ZFP64: variants seen among roughly 807,000 people sequenced by gnomAD.
ZFP64 encodes zinc finger protein 64.
In ZFP64, 14 loss-of-function variants were observed where a neutral mutation model predicts 51.6. The ratio of observed to expected loss-of-function variants is 0.27; its 90% confidence interval spans 0.18 to 0.42. ZFP64 has a LOEUF of 0.42. Among genes scored for constraint, ZFP64 ranks in the 10% least tolerant of loss-of-function variants. The pLI is 1.00. For missense variants in ZFP64, 754 were observed against 906.8 expected (o/e 0.83, Z 2.16); for synonymous variants, 375 against 361.4 (o/e 1.04, Z -0.43).
intron 1 of ZFP64, among the ~76,000 whole-genome samples, chr20:52,188,647 GAATT>G (rs774007315): frequency 2.8e-4 from 43 of 151,902 alleles, no homozygotes; most frequent in Non-Finnish European, 5.0e-4. Context: ...ATCATATCAA[GAATT>G]AATACTATAT....
intron 5 of ZFP64, among the ~76,000 whole-genome samples, chr20:52,142,384 A>ACACACACACGCGCGCG (rs770440510): frequency 1.9e-5 from 2 of 104,776 alleles, no homozygotes; most frequent in South Asian, 3.5e-4. Flanking sequence ...ACAGACACAC[A>ACACACACACGCGCGCG]CACACACACA....
chr20:52,096,905 CAAAA>C (rs2078994732), intron 7 of ZFP64: 1 of 360,852 alleles, frequency 2.8e-6, no homozygotes, highest in Admixed American at 3.7e-5. Context: ...AAAAACAAAA[CAAAA>C]AGATAGTATT....
At chr20:52,180,211 A>G (rs1983513661) in intron 2 of ZFP64, among the ~76,000 whole-genome samples, 1 of 152,204 alleles carries the variant, frequency 6.6e-6, no homozygotes, top group Admixed American at 6.5e-5. Context: ...GCTGGCTGTC[A>G]GGGGCTGCTT....
At chr20:52,113,257 C>T (rs1046308394) in intron 5 of ZFP64, among the ~76,000 whole-genome samples, 4 of 151,772 alleles carry the variant, frequency 2.6e-5, no homozygotes, top group Admixed American at 2.6e-4. Context: ...TGACGTGAAC[C>T]CGGGAGGCGG....
At chr20:52,136,920 A>G (rs2122897795) in intron 5 of ZFP64, among the ~76,000 whole-genome samples, 1 of 152,052 alleles carries the variant, frequency 6.6e-6, no homozygotes, top group African/African-American at 2.4e-5. Flanking sequence ...ATCCACCACC[A>G]CACCCAGCTA....
chr20:52,188,559 C>T (rs925321733), intron 1 of ZFP64, among the ~76,000 whole-genome samples: 4 of 151,410 alleles, frequency 2.6e-5, no homozygotes, highest in East Asian at 3.9e-4. Flanking sequence ...GTGATCTGCC[C>T]GCCTCAGCCT....
exon 8 of ZFP64, chr20:52,088,465 C>T (rs773608495): frequency 2.4e-5 from 38 of 1,614,138 alleles, no homozygotes; most frequent in Admixed American, 1.5e-4. Context: ...GGCATTTGTA[C>T]GGCCGCTCAT....
chr20:52,186,294 G>T (rs1049419800), intron 2 of ZFP64, among the ~76,000 whole-genome samples: 10 of 152,060 alleles, frequency 6.6e-5, no homozygotes, highest in African/African-American at 2.2e-4. Flanking sequence ...GTTTTCTTAT[G>T]CACATTTAAA....
At chr20:52,111,165 C>T in intron 5 of ZFP64, 1 of 657,984 alleles carries the variant, frequency 1.5e-6, no homozygotes, top group Non-Finnish European at 2.7e-6. Context: ...GGTGGGGAAG[C>T]CGTAGTGGAG....
At chr20:52,144,876 G>C (rs1980449042) in intron 5 of ZFP64, among the ~76,000 whole-genome samples, 1 of 152,058 alleles carries the variant, frequency 6.6e-6, no homozygotes. Context: ...CAGAGTAAAT[G>C]ATGTTTTTTC....
chr20:52,160,418 A>T lies in ZFP64; in HGVS notation c.512-44T>A. 2 of 1,554,364 alleles carry T rather than the reference A, an allele frequency of 1.3e-6. No homozygotes were observed. Among genetic ancestry groups the T allele is most frequent in the Non-Finnish European group, 1.7e-6 (2 of 1,152,230 alleles). The stretch of plus-strand genomic sequence containing the variant: ...ACAGATGGCAGCAGGAAACAAGATT[A>T]AAAAAGGAAAAGGCTTATTTCCCAC... On this transcript the variant is annotated intron_variant, in intron 4 of 5. Transcript: ENST00000216923. This position sits in a 1 kb window ranked among gnomAD's most constrained non-coding sequence, Gnocchi z 4.2.
chr20:52,142,382 A>ACACACACACGCG lies in ZFP64; in HGVS notation c.763+17740_763+17741insCGCGTGTGTGTG, dbSNP rs1555804630. On this transcript the variant is annotated intron_variant, in intron 5 of 8. Coordinates refer to the ZFP64 transcript ENST00000361387. ...GACTTCATCACACACACACAGACAC[A>ACACACACACGCG]CACACACACACACACACACACACAC... Among the ~76,000 whole-genome samples, 239 of 84,476 alleles carry ACACACACACGCG rather than the reference A, an allele frequency of 2.8e-3. 1 individual carries two copies. The highest frequency in any genetic ancestry group is 7.6e-3 in the African/African-American group (224 of 29,560). The allele number at this position is 84,476 out of a possible 152,430, so 55.4% of individuals were successfully genotyped here.
At position 52,128,936 on chromosome 20, in the gene ZFP64, C is replaced by CG. The variant is rs1348892423; in HGVS notation, c.764-30350dup. On this transcript the variant is annotated intron_variant, in intron 5 of 8. Coordinates refer to the ZFP64 transcript ENST00000361387. ...TTAAATTTTCTTTCTTTTTCTGAGA[C>CG]GGAGTCTCATTCTGTCACCCAGGCT... 2.6e-5 allele frequency among the ~76,000 whole-genome samples: 4 copies of CG among 151,680 alleles called. No individual in the cohort carries two copies. The East Asian group carries it at 7.7e-4, about 29-fold the overall frequency.
intron 5 of ZFP64, among the ~76,000 whole-genome samples, chr20:52,130,456 C>G (rs1331556979): frequency 1.3e-5 from 2 of 152,126 alleles, no homozygotes; most frequent in Non-Finnish European, 2.9e-5. Context: ...TCAAGCGATG[C>G]TCCTGCCTCG....
intron 1 of ZFP64, among the ~76,000 whole-genome samples, chr20:52,189,080 TATAAA>T (rs1302771840): frequency 6.6e-6 from 1 of 152,312 alleles, no homozygotes; most frequent in Admixed American, 6.5e-5. Context: ...CCATGAATAT[TATAAA>T]ATATTTTTTT....
At chr20:52,094,382 GA>G (rs1182685763) in intron 7 of ZFP64, among the ~76,000 whole-genome samples, 1 of 152,190 alleles carries the variant, frequency 6.6e-6, no homozygotes, top group East Asian at 1.9e-4. Flanking sequence ...GCCAAATGAA[GA>G]AATACAAAGT....
chr20:52,099,839 C>T (rs1297079910), intron 5 of ZFP64, among the ~76,000 whole-genome samples: 1 of 152,136 alleles, frequency 6.6e-6, no homozygotes, highest in Non-Finnish European at 1.5e-5. Flanking sequence ...TAGGTGAAAT[C>T]GCTATTTTTG....
At chr20:52,088,721 G>A in intron 7 of ZFP64, 1 of 1,590,226 alleles carries the variant, frequency 6.3e-7, no homozygotes, top group East Asian at 2.2e-5. Flanking sequence ...ATGATAGCCT[G>A]GGCATATGGG....
Position 52,160,202 on chromosome 20 carries a change from C to T in ZFP64, c.684G>A (p.Glu228=), listed in dbSNP as rs1981666039. ...LNKHLRIHSD[E]RPFKCQICPY... ...GGCAGATCTGGCATTTGAAGGGCCG[C>T]TCGTCCGAGTGGATCCTCAGGTGCT... The change falls in exon 5 of 6, where the codon GAG becomes GAA. Residue 228 remains glutamate, a synonymous_variant. Coordinates refer to ENST00000216923, the MANE Select transcript of ZFP64 (RefSeq NM_018197.3). The surrounding 1 kb of genome is among the most constrained non-coding windows in gnomAD (Gnocchi z 4.2). The T allele has an allele frequency of 6.2e-7, 1 of 1,614,170 alleles. No individual in the cohort carries two copies. The highest frequency in any genetic ancestry group is 8.5e-7 in the Non-Finnish European group (1 of 1,180,032).
Sources: gnomAD v4.1 joint callset for allele counts (sites outside exome capture counted in the v4.1 genomes callset) on GRCh38, gnomAD v4.1.1 for gene constraint, Gnocchi (gnomAD v3.1) non-coding constraint, MANE v1.5 for transcripts, NCBI Gene and HGNC (gene_info 2026-07-23, HGNC 2026-07-21) for gene names.